Variants in GNB1 observed in about 807,000 individuals in gnomAD.
The protein encoded by GNB1 is guanine nucleotide-binding protein G(I)/G(S)/G(T) subunit beta-1.
GNB1 carries 2 observed loss-of-function variants against 42.9 expected under a neutral mutation model. That is an observed-to-expected ratio of 0.05 (90% CI 0.02 to 0.15). The LOEUF (loss-of-function observed/expected upper bound fraction) is 0.15, where lower values mean the gene tolerates loss of function less well. Among genes scored for constraint, GNB1 ranks in the 10% least tolerant of loss-of-function variants. GNB1 has a pLI of 1.00. For synonymous variants in GNB1, 183 were observed against 174.7 expected (o/e 1.05, Z -0.38); for missense variants, 193 against 462.2 (o/e 0.42, Z 5.34).
At chr1:1,804,619 G>T (rs756507776) in intron 6 of GNB1, 38 bp from the exon 7 acceptor site, 2 of 1,485,438 alleles carry the variant, frequency 1.3e-6, no homozygotes. Context: ...ACAACTTTAT[G>T]TTCAAAAACA....
At chr1:1,874,270 A>G (rs1452898612) in intron 1 of GNB1, among the ~76,000 whole-genome samples, 2 of 152,196 alleles carry the variant, frequency 1.3e-5, no homozygotes, top group Admixed American at 6.5e-5. Context: ...GGAATTCAAG[A>G]GCAGCCTGGT....
At chr1:1,816,558 A>G (rs1240111269) in intron 4 of GNB1, among the ~76,000 whole-genome samples, 1 of 152,120 alleles carries the variant, frequency 6.6e-6, no homozygotes, top group Non-Finnish European at 1.5e-5. Context: ...TAGACAATGT[A>G]AAAAACTTAA....
At chr1:1,854,989 T>C (rs1648192191) in intron 1 of GNB1, among the ~76,000 whole-genome samples, 1 of 151,906 alleles carries the variant, frequency 6.6e-6, no homozygotes, top group Non-Finnish European at 1.5e-5. Context: ...TGAAACCCCG[T>C]CTCTACTAAA....
intron 2 of GNB1, among the ~76,000 whole-genome samples, chr1:1,834,653 C>G (rs1373917049): frequency 6.7e-6 from 1 of 148,982 alleles, no homozygotes; most frequent in Non-Finnish European, 1.5e-5. Context: ...ACAGAGGAGG[C>G]TAAACTCCAA....
Position 1,848,827 on chromosome 1 carries a change from T to C in GNB1, c.-95-9589A>G, listed in dbSNP as rs150242671. 4.1e-3 allele frequency among the ~76,000 whole-genome samples: 626 copies of C among 152,336 alleles called. 4 individuals are homozygous for C. Among genetic ancestry groups the C allele is most frequent in the African/African-American group, 0.014 (595 of 41,590 alleles). On this transcript the variant is annotated intron_variant, in intron 1 of 11. Transcript: ENST00000378609. ...ACGATATTCCTTCCCTTTCACTCTT[T>C]GTAACACAACTGTCTAGCATTTTAC...
At chr1:1,865,374 C>G (rs529561139) in intron 1 of GNB1, among the ~76,000 whole-genome samples, 8 of 150,780 alleles carry the variant, frequency 5.3e-5, no homozygotes, top group Non-Finnish European at 1.2e-4. Flanking sequence ...ATCACAAGGT[C>G]AGGAGATCGA....
At chr1:1,807,463 GAAAAAA>G (rs533616486) in intron 5 of GNB1, among the ~76,000 whole-genome samples, 220 of 25,532 alleles carry the variant, frequency 8.6e-3, no homozygotes, top group African/African-American at 0.048. Flanking sequence ...GATCCTGACT[GAAAAAA>G]AAAAAAAAAA....
chr1:1,823,783 C>G (rs1646962945), intron 3 of GNB1, among the ~76,000 whole-genome samples: 1 of 152,160 alleles, frequency 6.6e-6, no homozygotes, highest in South Asian at 2.1e-4. Flanking sequence ...GGTGGGCTTT[C>G]TAAACATGTA....
In GNB1 at chr1:1,861,864, A is replaced by G. The variant is rs780018818; in HGVS notation, c.-95-22626T>C. Among the ~76,000 whole-genome samples the G allele has an allele frequency of 1.8e-4, 27 of 152,188 alleles. 1 individual carries two copies. Among genetic ancestry groups the G allele is most frequent in the Non-Finnish European group, 3.8e-4 (26 of 68,040 alleles). On this transcript the variant is annotated intron_variant, in intron 1 of 11. Coordinates refer to ENST00000378609, the MANE Select transcript of GNB1 (RefSeq NM_002074.5). Reference sequence around the variant, plus strand: ...CCCCCATGAGGCAGCCACCAGACCCAAAGTGAGGGATGTCCTACAGGATAA... The same window carrying G: ...CCCCCATGAGGCAGCCACCAGACCCGAAGTGAGGGATGTCCTACAGGATAA...
intron 2 of GNB1, among the ~76,000 whole-genome samples, chr1:1,838,449 CT>C (rs112843995): frequency 6.5e-4 from 92 of 141,536 alleles, no homozygotes; most frequent in South Asian, 1.3e-3. Flanking sequence ...TTTTTCTTTT[CT>C]TTTTTTTTTT....
At chr1:1,810,361 G>A (rs1040487103) in intron 5 of GNB1, among the ~76,000 whole-genome samples, 3 of 151,388 alleles carry the variant, frequency 2.0e-5, no homozygotes, top group Non-Finnish European at 4.4e-5. Flanking sequence ...CACCGCGCCC[G>A]GCCCACAAAA....
chr1:1,811,501 T>C (rs557088751), intron 5 of GNB1, among the ~76,000 whole-genome samples: 15 of 151,840 alleles, frequency 9.9e-5, no homozygotes, highest in Admixed American at 8.5e-4. Flanking sequence ...GAGACCACCC[T>C]GGCTAACACG....
intron 1 of GNB1, among the ~76,000 whole-genome samples, chr1:1,878,356 C>G (rs1478897528): frequency 6.6e-6 from 1 of 152,228 alleles, no homozygotes; most frequent in Non-Finnish European, 1.5e-5. Flanking sequence ...TCTCCCAACA[C>G]ACTTTACATA....
intron 1 of GNB1, among the ~76,000 whole-genome samples, chr1:1,871,504 AC>A (rs1649246634): frequency 6.6e-6 from 1 of 151,956 alleles, no homozygotes; most frequent in South Asian, 2.1e-4. Context: ...ACTGCACCCT[AC>A]ACTGTCACAT....
Position 1,787,110 on chromosome 1 carries a change from C to G in GNB1, c.*10-57G>C, listed in dbSNP as rs187764645. The G allele has an allele frequency of 2.1e-5, 9 of 436,198 alleles. No homozygotes were observed. In the Admixed American group the frequency reaches 3.3e-4, roughly 16 times the overall value. The allele number at this position is 436,198 out of a possible 1,614,324, so 27.0% of individuals were successfully genotyped here. A position where few individuals can be genotyped will look rare whatever the true frequency, so the allele number is the denominator to read the frequency against. ...AAGAGGCAGAGAATCTAAGTGCAGA[C>G]GCACAGCCAGGTCACTGCTCTTCCC... is the stretch of plus-strand genomic sequence containing the variant. On this transcript the variant is annotated intron_variant, in intron 11 of 11. Coordinates refer to ENST00000378609, the MANE Select transcript of GNB1 (RefSeq NM_002074.5). This position sits in a 1 kb window ranked among gnomAD's most constrained non-coding sequence, Gnocchi z 4.4.
intron 2 of GNB1, among the ~76,000 whole-genome samples, chr1:1,838,531 G>A (rs373812349): frequency 4.7e-5 from 7 of 150,212 alleles, no homozygotes; most frequent in East Asian, 4.0e-4. Context: ...TGCAAGCTCC[G>A]CCTCCTGGGT....
intron 1 of GNB1, among the ~76,000 whole-genome samples, chr1:1,883,322 A>G (rs916381635): frequency 6.6e-6 from 1 of 152,116 alleles, no homozygotes; most frequent in Non-Finnish European, 1.5e-5. Flanking sequence ...CTTTCAAGAA[A>G]AGATAAGGAT....
chr1:1,884,685 CTT>C (rs546281492), intron 1 of GNB1, among the ~76,000 whole-genome samples: 6 of 145,104 alleles, frequency 4.1e-5, no homozygotes, highest in Non-Finnish European at 3.1e-5. Context: ...TATTCCCATT[CTT>C]TTTTTTTTTT....
chr1:1,793,099 C>T, intron 8 of GNB1, 146 bp downstream of exon 8: 1 of 495,132 alleles, frequency 2.0e-6, no homozygotes, highest in Non-Finnish European at 3.8e-6. Flanking sequence ...TCACACATTG[C>T]TACTATGTGT....
Sources: allele counts gnomAD v4.1 joint callset (sites outside exome capture counted in the v4.1 genomes callset), GRCh38; gene constraint gnomAD v4.1.1; non-coding constraint Gnocchi (gnomAD v3.1); transcripts MANE v1.5; gene names NCBI Gene and HGNC (gene_info 2026-07-23, HGNC 2026-07-21).